KLRG1: variants seen among roughly 807,000 people sequenced by gnomAD.
KLRG1 encodes the protein killer cell lectin-like receptor subfamily G member 1.
A neutral mutation model predicts 21.8 loss-of-function variants in KLRG1; 16 were observed. The observed-to-expected ratio is 0.73, with a 90% CI of 0.50 to 1.11. The LOEUF (loss-of-function observed/expected upper bound fraction) is 1.11, where lower values mean the gene tolerates loss of function less well. Ranked by LOEUF, KLRG1 falls within the 50% of genes most tolerant of loss-of-function variation. The probability of loss-of-function intolerance (pLI) is 0.00; values close to 1 mark genes in which losing one functional copy is unlikely to be tolerated. For synonymous variants in KLRG1, 69 were observed against 75.9 expected (o/e 0.91, Z 0.47); for missense variants, 173 against 218.3 (o/e 0.79, Z 1.31).
At chr12:9,030,064 C>G in the KLRG1 span, among the ~76,000 whole-genome samples, 1 of 151,998 alleles carries the variant, frequency 6.6e-6, no homozygotes. Flanking sequence ...CTCTCTTAAG[C>G]TGGCTTTAAT....
the KLRG1 span, chr12:9,064,493 G>C: frequency 6.5e-6 from 1 of 154,978 alleles, no homozygotes; most frequent in Middle Eastern, 5.2e-4. This position sits in a 1 kb window ranked among gnomAD's most constrained non-coding sequence, Gnocchi z 4.0. Context: ...CGTGCTCCCC[G>C]GCCAGGAGCC....
At chr12:9,164,671 G>T in the KLRG1 span, among the ~76,000 whole-genome samples, 19 of 152,216 alleles carry the variant, frequency 1.2e-4, no homozygotes, top group African/African-American at 4.3e-4. Flanking sequence ...TAGATGAGAG[G>T]CTCCCGATCT....
At chr12:9,161,049 A>C in the KLRG1 span, 2 of 1,595,102 alleles carry the variant, frequency 1.3e-6, no homozygotes. Context: ...CTGAGAAAGA[A>C]GCTCTGGCAG....
the KLRG1 span, among the ~76,000 whole-genome samples, chr12:9,108,834 A>G: frequency 5.3e-4 from 80 of 152,356 alleles, no homozygotes; most frequent in African/African-American, 1.9e-3. Context: ...AGTGAGTTAG[A>G]TGAGATTTCA....
chr12:9,202,817 A>C, the KLRG1 span: 2 of 840,144 alleles, frequency 2.4e-6, no homozygotes, highest in Non-Finnish European at 3.6e-6. Context: ...TTCTTCAGAC[A>C]TAAGAGTGAC....
chr12:9,204,302 C>A, the KLRG1 span, among the ~76,000 whole-genome samples: 2 of 152,112 alleles, frequency 1.3e-5, no homozygotes, highest in Non-Finnish European at 2.9e-5. Context: ...CATAAAAGTG[C>A]ACGCACACAA....
the KLRG1 span, among the ~76,000 whole-genome samples, chr12:9,137,138 C>T: frequency 6.6e-6 from 1 of 152,018 alleles, no homozygotes. Flanking sequence ...TTTATTTTTT[C>T]TTATATCAGT....
At chr12:8,997,207 A>T (rs1470057132) in intron 3 of KLRG1, among the ~76,000 whole-genome samples, 7 of 152,140 alleles carry the variant, frequency 4.6e-5, no homozygotes, top group Non-Finnish European at 8.8e-5. Flanking sequence ...TTTTCTCCTA[A>T]GGCTCCTTGG....
chr12:8,961,067 C>T (rs1946374196), intron 1 of KLRG1, among the ~76,000 whole-genome samples: 1 of 152,180 alleles, frequency 6.6e-6, no homozygotes, highest in African/African-American at 2.4e-5. Flanking sequence ...AACTGAGGTT[C>T]ACAGACATTA....
the KLRG1 span, among the ~76,000 whole-genome samples, chr12:9,181,744 A>G: frequency 1.3e-5 from 2 of 152,184 alleles, no homozygotes; most frequent in African/African-American, 2.4e-5. Context: ...CTGAATCAGC[A>G]GAGAAGAGCA....
chr12:9,206,132 C>G, the KLRG1 span, among the ~76,000 whole-genome samples: 1 of 152,056 alleles, frequency 6.6e-6, no homozygotes, highest in East Asian at 1.9e-4. Flanking sequence ...TATCTGGATG[C>G]TTCTGATCTC....
chr12:9,009,693 A>T lies in KLRG1; in HGVS notation c.*156A>T, dbSNP rs1360635231. Reference sequence around the variant, plus strand: ...ATGCAAGACAACCTCCTAGGGATTGATGCCTAACTGATGGATTCTCTTTGA... The same window carrying T: ...ATGCAAGACAACCTCCTAGGGATTGTTGCCTAACTGATGGATTCTCTTTGA... On this transcript the variant is annotated 3_prime_UTR_variant, in exon 5 of 5. Transcript: ENST00000356986. The T allele has an allele frequency of 3.5e-6, 5 of 1,430,102 alleles. No individual in the cohort carries two copies. The highest frequency in any genetic ancestry group is 4.6e-6 in the Non-Finnish European group (5 of 1,096,712). The allele number at this position is 1,430,102 out of a possible 1,614,324, so 88.6% of individuals were successfully genotyped here. A position where few individuals can be genotyped will look rare whatever the true frequency, so the allele number is the denominator to read the frequency against.
intron 1 of KLRG1, among the ~76,000 whole-genome samples, chr12:8,967,208 A>T (rs1394268689): frequency 7.6e-6 from 1 of 132,248 alleles, no homozygotes; most frequent in African/African-American, 2.8e-5. Context: ...GGGGGGAGGG[A>T]TAGCATTAGG....
the KLRG1 span, among the ~76,000 whole-genome samples, chr12:9,048,721 G>A: frequency 6.6e-6 from 1 of 152,134 alleles, no homozygotes; most frequent in African/African-American, 2.4e-5. Flanking sequence ...AAAATCTACA[G>A]CTAACGTTAT....
the KLRG1 span, chr12:9,074,922 C>T: frequency 1.0e-6 from 1 of 960,234 alleles, no homozygotes; most frequent in Non-Finnish European, 1.5e-6. Flanking sequence ...CTTTTCCCTT[C>T]ATGTAAATCT....
At chr12:9,065,774 A>G in the KLRG1 span, 1 of 152,304 alleles carries the variant, frequency 6.6e-6, no homozygotes, top group East Asian at 1.9e-4. Flanking sequence ...ATGGCTGCCC[A>G]TGGACCAATC....
chr12:9,182,005 T>C, the KLRG1 span: 1 of 1,613,842 alleles, frequency 6.2e-7, no homozygotes, highest in Non-Finnish European at 8.5e-7. Flanking sequence ...CAATCTCAAA[T>C]TTTTCAGAGT....
At chr12:9,131,468 A>G in the KLRG1 span, among the ~76,000 whole-genome samples, 1 of 152,090 alleles carries the variant, frequency 6.6e-6, no homozygotes, top group Non-Finnish European at 1.5e-5. Context: ...GTGATATTTA[A>G]TCAGATTTTT....
the KLRG1 span, chr12:9,153,018 A>G: frequency 6.2e-7 from 1 of 1,610,460 alleles, no homozygotes; most frequent in Middle Eastern, 1.7e-4. Flanking sequence ...TCATTACTTA[A>G]CGTCTCCAGA....
Sources: gnomAD v4.1 joint callset for allele counts (sites outside exome capture counted in the v4.1 genomes callset) on GRCh38, gnomAD v4.1.1 for gene constraint, Gnocchi (gnomAD v3.1) non-coding constraint, MANE v1.5 for transcripts, NCBI Gene and HGNC (gene_info 2026-07-23, HGNC 2026-07-21) for gene names.